Variants in ADAMTS6 observed in about 807,000 individuals in gnomAD.
ADAMTS6 encodes A disintegrin and metalloproteinase with thrombospondin motifs 6.
In ADAMTS6, 23 loss-of-function variants were observed where a neutral mutation model predicts 144.3. That is an observed-to-expected ratio of 0.16 (90% confidence interval 0.11 to 0.23). The LOEUF (loss-of-function observed/expected upper bound fraction) is 0.23, where lower values mean the gene tolerates loss of function less well. ADAMTS6 is among the 10% of genes least tolerant of loss of function. The pLI, the probability that ADAMTS6 is intolerant of heterozygous loss-of-function variation, is 1.00. For synonymous variants in ADAMTS6, 444 were observed against 457.5 expected, an observed-to-expected ratio of 0.97 and a Z score of 0.38; for missense variants, 999 against 1,379.6, an observed-to-expected ratio of 0.72 and a Z score of 4.37.
intron 9 of ADAMTS6, among the ~76,000 whole-genome samples, chr5:65,326,258 T>C (rs911045898): frequency 2.0e-5 from 3 of 152,192 alleles, no homozygotes; most frequent in African/African-American, 4.8e-5. Flanking sequence ...GGCAACTACA[T>C]AATTAATTTT....
chr5:65,277,961 T>A (rs1053000330), intron 11 of ADAMTS6, among the ~76,000 whole-genome samples: 2 of 152,194 alleles, frequency 1.3e-5, no homozygotes, highest in Admixed American at 6.5e-5. Context: ...GTAACTAATA[T>A]GTAGTTTACC....
At chr5:65,182,552 T>C (rs186196177) in intron 22 of ADAMTS6, among the ~76,000 whole-genome samples, 233 of 151,912 alleles carry the variant, frequency 1.5e-3, no homozygotes, top group African/African-American at 5.3e-3. Context: ...CTAATCCTCA[T>C]AGAAACTCCA....
chr5:65,380,337 C>T (rs1379365223), intron 7 of ADAMTS6, among the ~76,000 whole-genome samples: 1 of 151,872 alleles, frequency 6.6e-6, no homozygotes, highest in East Asian at 1.9e-4. Context: ...TTTGGGAGGC[C>T]AAGGTAGGCA....
intron 9 of ADAMTS6, among the ~76,000 whole-genome samples, chr5:65,325,442 T>C (rs1218909908): frequency 6.6e-6 from 1 of 152,016 alleles, no homozygotes; most frequent in Non-Finnish European, 1.5e-5. Context: ...AAGATACTGA[T>C]ATTTACTTCC....
chr5:65,439,559 A>G (rs1244511436), intron 7 of ADAMTS6, among the ~76,000 whole-genome samples: 1 of 152,204 alleles, frequency 6.6e-6, no homozygotes, highest in South Asian at 2.1e-4. Flanking sequence ...TTAAAATGTC[A>G]AAGTCAAGCG....
At chr5:65,445,847 G>A (rs1028671380) in intron 7 of ADAMTS6, among the ~76,000 whole-genome samples, 1 of 152,124 alleles carries the variant, frequency 6.6e-6, no homozygotes, top group African/African-American at 2.4e-5. Flanking sequence ...CAGAGTGAGA[G>A]ACCCTGTCTC....
chr5:65,383,029 T>C (rs1580555236), intron 7 of ADAMTS6, among the ~76,000 whole-genome samples: 1 of 152,280 alleles, frequency 6.6e-6, no homozygotes, highest in South Asian at 2.1e-4. Flanking sequence ...ATCTGTTTTA[T>C]AAGGGCACTA....
At chr5:65,409,519 C>G (rs888724251) in intron 7 of ADAMTS6, among the ~76,000 whole-genome samples, 18 of 151,836 alleles carry the variant, frequency 1.2e-4, no homozygotes, top group African/African-American at 4.1e-4. Flanking sequence ...GCCTACCAAC[C>G]AAAAAAAGTC....
In ADAMTS6 at chr5:65,151,078, C is replaced by T. The variant is rs1453747208; in HGVS notation, c.*758G>A. ...AATGGAAATCTCAGCTTTACTTGCA[C>T]AATGGCAAGTTGGCCACAGTCTTTC... On this transcript the variant is annotated 3_prime_UTR_variant, in exon 25 of 25. Transcript: ENST00000381055. 1 of 152,672 alleles carries T rather than the reference C, an allele frequency of 6.5e-6. No homozygotes were observed. Among genetic ancestry groups the T allele is most frequent in the Non-Finnish European group, 1.5e-5 (1 of 68,044 alleles). The allele number at this position is 152,672 out of a possible 1,614,324, so 9.5% of individuals were successfully genotyped here. A position where few individuals can be genotyped will look rare whatever the true frequency, so the allele number is the denominator to read the frequency against.
At chr5:65,159,979 C>A (rs1311967170) in intron 24 of ADAMTS6, among the ~76,000 whole-genome samples, 1 of 152,190 alleles carries the variant, frequency 6.6e-6, no homozygotes, top group Non-Finnish European at 1.5e-5. Flanking sequence ...CTGTAAAATT[C>A]TTTCAGCTTT....
chr5:65,228,808 T>G (rs1020968422), intron 15 of ADAMTS6, among the ~76,000 whole-genome samples: 26 of 152,174 alleles, frequency 1.7e-4, no homozygotes, highest in African/African-American at 6.0e-4. Flanking sequence ...TCCTACTGTT[T>G]TCTTGCCTCA....
chr5:65,247,574 T>A (rs1361991952), intron 14 of ADAMTS6, among the ~76,000 whole-genome samples: 1 of 152,126 alleles, frequency 6.6e-6, no homozygotes, highest in Non-Finnish European at 1.5e-5. Context: ...CATCAAAATG[T>A]CTTGAAAATG....
intron 12 of ADAMTS6, among the ~76,000 whole-genome samples, chr5:65,263,414 TAAAA>T (rs747254767): frequency 8.1e-6 from 1 of 123,260 alleles, no homozygotes; most frequent in Admixed American, 8.3e-5. Context: ...TGCTCTTTCT[TAAAA>T]AAAAAAAAAA....
chr5:65,392,803 ATTGT>A (rs1312832421), intron 7 of ADAMTS6, among the ~76,000 whole-genome samples: 2 of 152,192 alleles, frequency 1.3e-5, no homozygotes, highest in African/African-American at 2.4e-5. Context: ...AATCTCTTCG[ATTGT>A]TTAAGAGTTT....
chr5:65,252,366 C>G (rs555460054), intron 14 of ADAMTS6, among the ~76,000 whole-genome samples: 7 of 151,462 alleles, frequency 4.6e-5, no homozygotes, highest in Middle Eastern at 6.8e-3. Flanking sequence ...CTCAGCCTCC[C>G]GAGTAGCTGG....
At chr5:65,334,176 G>T in intron 7 of ADAMTS6, 91 bp from the exon 8 acceptor site, 1 of 1,366,102 alleles carries the variant, frequency 7.3e-7, no homozygotes, top group African/African-American at 1.5e-5. Context: ...GAAGTTGTCA[G>T]ACCACAATTA....
intron 12 of ADAMTS6, among the ~76,000 whole-genome samples, chr5:65,266,766 A>G (rs2112622907): frequency 6.6e-6 from 1 of 152,124 alleles, no homozygotes; most frequent in East Asian, 1.9e-4. Context: ...TTTGATTTTG[A>G]TCTCTGCAGA....
At chr5:65,375,510 A>G (rs545061502) in intron 7 of ADAMTS6, among the ~76,000 whole-genome samples, 25 of 152,244 alleles carry the variant, frequency 1.6e-4, no homozygotes, top group Admixed American at 1.2e-3. Flanking sequence ...ACATGAAAAA[A>G]TGCTCACCAT....
At chr5:65,348,756 G>A (rs761993866) in intron 7 of ADAMTS6, among the ~76,000 whole-genome samples, 96 of 151,394 alleles carry the variant, frequency 6.3e-4, no homozygotes, top group Non-Finnish European at 1.1e-3. Context: ...AACATTGTAC[G>A]CCATAAATAT....
Sources: gnomAD v4.1 joint callset for allele counts (sites outside exome capture counted in the v4.1 genomes callset) on GRCh38, gnomAD v4.1.1 for gene constraint, MANE v1.5 for transcripts, NCBI Gene and HGNC (gene_info 2026-07-23, HGNC 2026-07-21) for gene names.